The following HIP1 variants were observed in gnomAD, a reference collection of about 807,000 sequenced individuals.
The protein encoded by HIP1 is huntingtin-interacting protein 1.
In HIP1, 65 loss-of-function variants were observed where a neutral mutation model predicts 147.6. The ratio of observed to expected loss-of-function variants is 0.44; its 90% CI spans 0.36 to 0.54. The LOEUF (loss-of-function observed/expected upper bound fraction) is 0.54, where lower values mean the gene tolerates loss of function less well. HIP1 is among the 20% of genes least tolerant of loss of function. The pLI, the probability that HIP1 is intolerant of heterozygous loss-of-function variation, is 0.00. For missense variants in HIP1, 1,061 were observed against 1,299.6 expected, an observed-to-expected ratio of 0.82 and a Z score of 2.82; for synonymous variants, 479 against 504.0, an observed-to-expected ratio of 0.95 and a Z score of 0.67.
rs190712101 is a variant in HIP1, at chr7:75,594,586, C to T, written c.185-2072G>A. Among the ~76,000 whole-genome samples, 341 of 152,124 alleles carry T rather than the reference C, an allele frequency of 2.2e-3. 2 individuals carry two copies. Among genetic ancestry groups the T allele is most frequent in the African/African-American group, 7.8e-3 (324 of 41,492 alleles). The stretch of plus-strand genomic sequence containing the variant: ...GTCAGGAGATCAAGACCAGCCTGGC[C>T]AACATGGTGAAACCCCGTCTCTACT... On this transcript the variant is annotated intron_variant, in intron 2 of 30. Coordinates refer to ENST00000336926, the MANE Select transcript of HIP1 (RefSeq NM_005338.7).
At chr7:75,731,653 G>A (rs1801841732) in intron 1 of HIP1, among the ~76,000 whole-genome samples, 1 of 152,022 alleles carries the variant, frequency 6.6e-6, no homozygotes, top group Non-Finnish European at 1.5e-5. Context: ...AAGGCTCAGG[G>A]TGCTACACAG....
chr7:75,622,203 G>A (rs587687037), intron 1 of HIP1, among the ~76,000 whole-genome samples: 2 of 152,214 alleles, frequency 1.3e-5, no homozygotes, highest in African/African-American at 4.8e-5. Context: ...CTTGAACTCA[G>A]GAGGTGAAGG....
At chr7:75,646,758 A>G (rs1043912258) in intron 1 of HIP1, among the ~76,000 whole-genome samples, 1 of 152,052 alleles carries the variant, frequency 6.6e-6, no homozygotes, top group Non-Finnish European at 1.5e-5. Flanking sequence ...GCCCCATGGC[A>G]CTCTCTGGAC....
At chr7:75,619,599 T>G (rs1386343111) in intron 1 of HIP1, among the ~76,000 whole-genome samples, 1 of 151,470 alleles carries the variant, frequency 6.6e-6, no homozygotes, top group Non-Finnish European at 1.5e-5. Flanking sequence ...ATGTGAAGAA[T>G]GAAGTCAGTT....
At chr7:75,656,434 A>C (rs1190701817) in intron 1 of HIP1, among the ~76,000 whole-genome samples, 1 of 33,996 alleles carries the variant, frequency 2.9e-5, no homozygotes, top group Admixed American at 2.2e-4. Flanking sequence ...ATAAACTTAG[A>C]AAAAAAAAAA....
intron 11 of HIP1, 82 bp downstream of exon 11, chr7:75,562,853 T>C: frequency 6.9e-7 from 1 of 1,448,916 alleles, no homozygotes; most frequent in Admixed American, 1.9e-5. Flanking sequence ...GTCAATGGGC[T>C]TTGGCCAGGG....
chr7:75,541,716 C>A (rs1554489907), intron 29 of HIP1, among the ~76,000 whole-genome samples: 1 of 108,492 alleles, frequency 9.2e-6, no homozygotes. Flanking sequence ...AAAAACAAAA[C>A]AAGACAAACA....
intron 27 of HIP1, among the ~76,000 whole-genome samples, chr7:75,543,384 T>C (rs1455616184): frequency 2.0e-5 from 3 of 152,120 alleles, no homozygotes; most frequent in Admixed American, 2.0e-4. Context: ...CAGAGTTTGC[T>C]CTTGTTGCTC....
At chr7:75,556,912 C>T (rs1438846244) in intron 16 of HIP1, 101 bp from the exon 17 acceptor site, 2 of 757,542 alleles carry the variant, frequency 2.6e-6, no homozygotes, top group Non-Finnish European at 2.3e-6. Flanking sequence ...GATCTGTAAA[C>T]TCTACTGTAT....
At chr7:75,657,540 A>G (rs1799179620) in intron 1 of HIP1, among the ~76,000 whole-genome samples, 1 of 151,946 alleles carries the variant, frequency 6.6e-6, no homozygotes, top group African/African-American at 2.4e-5. Context: ...AAAAAAAAAA[A>G]AAAGCAATTA....
chr7:75,683,085 C>T (rs782715470), intron 1 of HIP1, among the ~76,000 whole-genome samples: 4 of 151,920 alleles, frequency 2.6e-5, no homozygotes, highest in Admixed American at 2.0e-4. Context: ...CAGGTTCAAG[C>T]GATTCTCTTG....
chr7:75,662,972 G>A (rs1271771991), intron 1 of HIP1, among the ~76,000 whole-genome samples: 2 of 152,200 alleles, frequency 1.3e-5, no homozygotes, highest in African/African-American at 4.8e-5. Flanking sequence ...GACCCATGCT[G>A]AGGCTTCCTC....
intron 1 of HIP1, among the ~76,000 whole-genome samples, chr7:75,620,036 T>C (rs1797793235): frequency 6.6e-6 from 1 of 152,192 alleles, no homozygotes; most frequent in African/African-American, 2.4e-5. Flanking sequence ...GTTTTCATAT[T>C]CACTCATTCA....
chr7:75,640,475 A>AT (rs1480616280), intron 1 of HIP1, among the ~76,000 whole-genome samples: 3 of 152,192 alleles, frequency 2.0e-5, no homozygotes, highest in Non-Finnish European at 4.4e-5. Flanking sequence ...CACGCCTGTA[A>AT]TCCCAGCACT....
chr7:75,682,319 C>T (rs1197530896), intron 1 of HIP1, among the ~76,000 whole-genome samples: 1 of 151,612 alleles, frequency 6.6e-6, no homozygotes, highest in African/African-American at 2.4e-5. Context: ...TGCAGTGGTG[C>T]GATCATAGCT....
intron 1 of HIP1, among the ~76,000 whole-genome samples, chr7:75,692,577 C>T (rs1329725481): frequency 1.4e-5 from 2 of 144,308 alleles, no homozygotes; most frequent in African/African-American, 2.6e-5. Flanking sequence ...TGAACCACCA[C>T]GCCTGGCCAA....
intron 1 of HIP1, among the ~76,000 whole-genome samples, chr7:75,661,468 G>C (rs1439210607): frequency 4.0e-5 from 6 of 150,882 alleles, no homozygotes; most frequent in Non-Finnish European, 5.9e-5. Flanking sequence ...AGCTACTGAG[G>C]AGGCTGAGGC....
At chr7:75,715,479 AGAG>A (rs1554520492) in intron 1 of HIP1, among the ~76,000 whole-genome samples, 9 of 150,384 alleles carry the variant, frequency 6.0e-5, no homozygotes, top group African/African-American at 1.7e-4. Context: ...AGAGAGAGAG[AGAG>A]AGAGAAAGGC....
chr7:75,597,448 C>T (rs1007664255), intron 2 of HIP1, among the ~76,000 whole-genome samples: 5 of 152,210 alleles, frequency 3.3e-5, no homozygotes, highest in South Asian at 4.1e-4. Context: ...AGGCTGGGTG[C>T]GGCCTCCGAA....
Sources: allele counts gnomAD v4.1 joint callset (sites outside exome capture counted in the v4.1 genomes callset), GRCh38; gene constraint gnomAD v4.1.1; transcripts MANE v1.5; gene names NCBI Gene and HGNC (gene_info 2026-07-23, HGNC 2026-07-21).